Variants in CFAP161 observed in about 807,000 individuals in gnomAD.
The protein encoded by CFAP161 is cilia- and flagella-associated protein 161.
In CFAP161, 25 loss-of-function variants were observed where a neutral mutation model predicts 29.0. That is an observed-to-expected ratio of 0.86 (90% CI 0.63 to 1.20). The LOEUF (loss-of-function observed/expected upper bound fraction) is 1.20, where lower values mean the gene tolerates loss of function less well. Among genes scored for constraint, CFAP161 ranks in the 50% most tolerant of loss-of-function variants. The pLI, the probability that CFAP161 is intolerant of heterozygous loss-of-function variation, is 0.00. For missense variants in CFAP161, 367 were observed against 371.9 expected, an observed-to-expected ratio of 0.99 and a Z score of 0.11; for synonymous variants, 116 against 137.4, an observed-to-expected ratio of 0.84 and a Z score of 1.09.
chr15:81,148,320 G>T lies in CFAP161; in HGVS notation c.711-18G>T. On this transcript the variant is annotated intron_variant, in intron 6 of 6. Transcript: ENST00000286732. ...TGTTATTCAATTTCAAACCACAACT[G>T]ATTCTCTCTTGCTCCAGCACCTATT... 1 of 1,595,216 alleles carries T rather than the reference G, an allele frequency of 6.3e-7. No homozygotes were observed. Among genetic ancestry groups the T allele is most frequent in the South Asian group, 1.1e-5 (1 of 90,044 alleles).
At chr15:81,118,481 G>C (rs1232311077) in intron 1 of CFAP161, 1 of 180,154 alleles carries the variant, frequency 5.6e-6, no homozygotes, top group Non-Finnish European at 1.1e-5. Context: ...GGACCGGAGC[G>C]GGGTGGGAGG....
At chr15:81,141,245 C>T (rs1381535452) in intron 4 of CFAP161, among the ~76,000 whole-genome samples, 1 of 152,112 alleles carries the variant, frequency 6.6e-6, no homozygotes, top group Non-Finnish European at 1.5e-5. Flanking sequence ...TTTACATGGA[C>T]TTGACAATGA....
chr15:81,115,382 A>C (rs1230854111), intron 1 of CFAP161, among the ~76,000 whole-genome samples: 4 of 152,220 alleles, frequency 2.6e-5, no homozygotes, highest in African/African-American at 7.2e-5. Flanking sequence ...CTTGTGTCAC[A>C]CTGGGAGCAG....
intron 1 of CFAP161, among the ~76,000 whole-genome samples, chr15:81,101,526 CAAAA>C (rs527465471): frequency 2.2e-5 from 1 of 46,106 alleles, no homozygotes; most frequent in Non-Finnish European, 3.7e-5. Flanking sequence ...GACTCTGTCT[CAAAA>C]AAAAAAAAAA....
chr15:81,130,187 T>C (rs927195806), upstream of CFAP161, among the ~76,000 whole-genome samples: 2 of 152,246 alleles, frequency 1.3e-5, no homozygotes, highest in South Asian at 4.1e-4. Context: ...ATGTGGTGGC[T>C]CGTCTGACCT....
intron 1 of CFAP161, among the ~76,000 whole-genome samples, chr15:81,113,764 A>G (rs1380080719): frequency 6.6e-6 from 1 of 152,208 alleles, no homozygotes; most frequent in African/African-American, 2.4e-5. Flanking sequence ...TTTATTGTTC[A>G]AGAGTTCTCT....
At chr15:81,143,901 A>G in intron 5 of CFAP161, 81 bp downstream of exon 5, 2 of 1,430,388 alleles carry the variant, frequency 1.4e-6, no homozygotes, top group Non-Finnish European at 9.4e-7. Flanking sequence ...ACACAGACTT[A>G]TAGCTCAAAT....
chr15:81,144,441 C>T (rs933509655), intron 5 of CFAP161, among the ~76,000 whole-genome samples: 1 of 151,972 alleles, frequency 6.6e-6, no homozygotes, highest in Non-Finnish European at 1.5e-5. Context: ...ACAAAAAATA[C>T]AAAAATTAGC....
intron 1 of CFAP161, among the ~76,000 whole-genome samples, chr15:81,110,869 G>A (rs952095320): frequency 1.3e-5 from 2 of 152,136 alleles, no homozygotes; most frequent in Admixed American, 6.5e-5. Context: ...GAGAAGCAAA[G>A]GTGCATTGTT....
chr15:81,128,931 A>G (rs534668267), intron 2 of CFAP161, among the ~76,000 whole-genome samples: 2 of 150,766 alleles, frequency 1.3e-5, no homozygotes, highest in South Asian at 4.2e-4. Context: ...TCCAGCCTGG[A>G]CAACACAGCA....
chr15:81,106,033 G>T (rs1197122149), intron 1 of CFAP161, among the ~76,000 whole-genome samples: 1 of 152,174 alleles, frequency 6.6e-6, no homozygotes, highest in Non-Finnish European at 1.5e-5. Flanking sequence ...AAGAAAAATT[G>T]CCCATAATAG....
At chr15:81,122,654 G>C (rs1441033747) in intron 1 of CFAP161, among the ~76,000 whole-genome samples, 1 of 151,916 alleles carries the variant, frequency 6.6e-6, no homozygotes, top group East Asian at 1.9e-4. Flanking sequence ...ACCATACCCA[G>C]CTATTTTTTG....
At chr15:81,139,717 C>T (rs1595918747) in intron 4 of CFAP161, among the ~76,000 whole-genome samples, 1 of 152,026 alleles carries the variant, frequency 6.6e-6, no homozygotes, top group Non-Finnish European at 1.5e-5. Flanking sequence ...TAAATCTTCC[C>T]CTCTCAAACT....
intron 1 of CFAP161, among the ~76,000 whole-genome samples, chr15:81,110,099 G>T (rs1894422214): frequency 2.0e-5 from 3 of 151,796 alleles, no homozygotes; most frequent in African/African-American, 7.3e-5. Context: ...ATCCTGTTCA[G>T]ACATTCAGTA....
In CFAP161 at chr15:81,136,678, G is replaced by T. The variant is rs777486386; in HGVS notation, c.322G>T (p.Glu108Ter). The change falls in exon 3 of 7, where the codon GAG becomes TAG. Residue 108 changes from glutamate to a stop codon, truncating the protein, a stop_gained. Transcript: ENST00000286732. LOFTEE classifies it high-confidence loss of function. ...EIQSHLKDEL[E>*]VPCGLSAVQA... ...TCAGTCCCATCTGAAAGACGAATTA[G>T]AGGTACCCTGTGGCCTGAGCGCAGT... The T allele has an allele frequency of 1.9e-6, 3 of 1,614,070 alleles. No homozygotes were observed. In the African/African-American group the frequency reaches 4.0e-5, roughly 22 times the overall value.
intron 1 of CFAP161, among the ~76,000 whole-genome samples, chr15:81,111,062 G>A (rs1410289955): frequency 6.6e-6 from 1 of 152,190 alleles, no homozygotes; most frequent in African/African-American, 2.4e-5. Context: ...TGTTAAACTG[G>A]ATTATTTTCA....
intron 1 of CFAP161, among the ~76,000 whole-genome samples, chr15:81,120,401 C>T (rs533956287): frequency 1.3e-5 from 2 of 152,274 alleles, no homozygotes; most frequent in African/African-American, 4.8e-5. Context: ...TGGAGGAAAA[C>T]ATTGCTTTTC....
At chr15:81,129,407 G>A (rs905511536), upstream of CFAP161, among the ~76,000 whole-genome samples, 5 of 152,082 alleles carry the variant, frequency 3.3e-5, no homozygotes, top group Non-Finnish European at 5.9e-5. Flanking sequence ...TCACAATCAC[G>A]GTGGAAGGTG....
At chr15:81,139,937 C>G (rs529097964) in intron 4 of CFAP161, among the ~76,000 whole-genome samples, 1 of 152,216 alleles carries the variant, frequency 6.6e-6, no homozygotes, top group East Asian at 1.9e-4. Context: ...GCTAATTTGA[C>G]AAGCAAACAA....
Sources: gnomAD v4.1 joint callset for allele counts (sites outside exome capture counted in the v4.1 genomes callset) on GRCh38, gnomAD v4.1.1 for gene constraint, MANE v1.5 for transcripts, NCBI Gene and HGNC (gene_info 2026-07-23, HGNC 2026-07-21) for gene names.